CEP63: variants seen among roughly 807,000 people sequenced by gnomAD.
The protein encoded by CEP63 is centrosomal protein of 63 kDa.
Under a neutral mutation model 89.1 loss-of-function variants are expected in CEP63, and 84 were observed. That is an observed-to-expected ratio of 0.94 (90% CI 0.79 to 1.13). CEP63 has a LOEUF of 1.13. CEP63 is among the 50% of genes most tolerant of loss of function. The pLI is 0.00. For missense variants in CEP63, 838 were observed against 813.3 expected, an observed-to-expected ratio of 1.03 and a Z score of -0.37; for synonymous variants, 267 against 272.5, an observed-to-expected ratio of 0.98 and a Z score of 0.20.
intron 6 of CEP63, among the ~76,000 whole-genome samples, chr3:134,544,196 G>A (rs1159907838): frequency 1.3e-5 from 2 of 152,094 alleles, no homozygotes; most frequent in Admixed American, 6.5e-5. Flanking sequence ...TATTTCTAAA[G>A]TAAAATTGTG....
intron 5 of CEP63, among the ~76,000 whole-genome samples, chr3:134,534,104 C>T (rs979794037): frequency 2.0e-5 from 3 of 152,132 alleles, no homozygotes; most frequent in Admixed American, 6.5e-5. Context: ...AACATAACAA[C>T]CAAAATAGTC....
At chr3:134,766,939 G>A in the CEP63 span, among the ~76,000 whole-genome samples, 1 of 152,164 alleles carries the variant, frequency 6.6e-6, no homozygotes, top group Non-Finnish European at 1.5e-5. Flanking sequence ...GGTTCCTGTA[G>A]CTCCTCAGTG....
At chr3:134,612,657 GA>G in the CEP63 span, among the ~76,000 whole-genome samples, 2 of 152,156 alleles carry the variant, frequency 1.3e-5, no homozygotes, top group South Asian at 4.2e-4. Context: ...GAAATGTTGT[GA>G]AAAATATTTA....
chr3:134,607,008 T>C, the CEP63 span: 1 of 984,890 alleles, frequency 1.0e-6, no homozygotes, highest in Non-Finnish European at 1.2e-6. Flanking sequence ...GTATCAGATA[T>C]ATGGAATCAT....
chr3:134,763,961 A>T, the CEP63 span, among the ~76,000 whole-genome samples: 1 of 152,166 alleles, frequency 6.6e-6, no homozygotes, highest in African/African-American at 2.4e-5. Context: ...CCTCCCCTTT[A>T]TACTCCCTGG....
chr3:134,695,441 C>A, the CEP63 span, among the ~76,000 whole-genome samples: 1 of 152,162 alleles, frequency 6.6e-6, no homozygotes, highest in Admixed American at 6.5e-5. Flanking sequence ...TGGGGCCTGC[C>A]CATACATGGT....
chr3:134,589,034 A>G (rs1174254254), downstream of CEP63, among the ~76,000 whole-genome samples: 1 of 152,214 alleles, frequency 6.6e-6, no homozygotes, highest in East Asian at 1.9e-4. Context: ...GAAGAGTCAT[A>G]AATAATTTTA....
At chr3:134,715,609 A>G in the CEP63 span, among the ~76,000 whole-genome samples, 1 of 149,286 alleles carries the variant, frequency 6.7e-6, no homozygotes, top group Non-Finnish European at 1.5e-5. Flanking sequence ...GCACATTGTG[A>G]TATCAGTGCA....
the CEP63 span, among the ~76,000 whole-genome samples, chr3:134,742,905 C>A: frequency 3.3e-5 from 5 of 152,236 alleles, no homozygotes; most frequent in East Asian, 9.6e-4. Flanking sequence ...TTATAAATTA[C>A]CCAGTCTGTG....
chr3:134,601,915 C>T, the CEP63 span, among the ~76,000 whole-genome samples: 12 of 152,368 alleles, frequency 7.9e-5, no homozygotes, highest in Admixed American at 6.5e-4. Context: ...GCAGTTTCCT[C>T]ACCCTGTACT....
chr3:134,652,068 G>T, the CEP63 span, among the ~76,000 whole-genome samples: 12 of 152,042 alleles, frequency 7.9e-5, 1 homozygote, highest in South Asian at 8.3e-4. Flanking sequence ...ATCCTCCTTG[G>T]AGCAGCCTGT....
chr3:134,660,341 G>T, the CEP63 span, among the ~76,000 whole-genome samples: 1 of 152,204 alleles, frequency 6.6e-6, no homozygotes, highest in Non-Finnish European at 1.5e-5. Context: ...ATTAGAAACT[G>T]GTTCCTAATA....
chr3:134,715,365 G>A, the CEP63 span, among the ~76,000 whole-genome samples: 4 of 151,400 alleles, frequency 2.6e-5, no homozygotes, highest in South Asian at 2.1e-4. Flanking sequence ...GTCACCTAGC[G>A]ATGAATTGCA....
chr3:134,739,355 G>A, the CEP63 span, among the ~76,000 whole-genome samples: 1 of 152,152 alleles, frequency 6.6e-6, no homozygotes, highest in African/African-American at 2.4e-5. Flanking sequence ...AATTAGTTCA[G>A]TCACTTTGAC....
the CEP63 span, among the ~76,000 whole-genome samples, chr3:134,659,585 A>AT: frequency 6.6e-6 from 1 of 152,090 alleles, no homozygotes; most frequent in Non-Finnish European, 1.5e-5. Flanking sequence ...GTGAAAAGGC[A>AT]TTTTTCCAGG....
At chr3:134,526,562 G>A (rs1948683138) in intron 3 of CEP63, among the ~76,000 whole-genome samples, 1 of 152,152 alleles carries the variant, frequency 6.6e-6, no homozygotes, top group Non-Finnish European at 1.5e-5. Flanking sequence ...GTAGCTCAGT[G>A]TTCTTTGTTC....
Position 134,564,105 on chromosome 3 carries a change from T to G in CEP63, c.*2570T>G. ...ATCTGAAATCATTTCATTACTTGATTTATGTTTGTACTGTCTATTTCTGTC... is the reference window on the plus strand; with the variant it reads ...ATCTGAAATCATTTCATTACTTGATGTATGTTTGTACTGTCTATTTCTGTC... On this transcript the variant is annotated 3_prime_UTR_variant, in exon 15 of 15. Transcript: ENST00000675561. 5.2e-6 allele frequency: 1 copy of G among 192,058 alleles called. No homozygotes were observed. The highest frequency in any genetic ancestry group is 9.6e-6 in the Non-Finnish European group (1 of 104,648). The allele number at this position is 192,058 out of a possible 1,614,324, so 11.9% of individuals were successfully genotyped here.
the CEP63 span, among the ~76,000 whole-genome samples, chr3:134,613,787 A>G: frequency 6.6e-6 from 1 of 152,258 alleles, no homozygotes; most frequent in African/African-American, 2.4e-5. Context: ...TATTGTTAAT[A>G]TGCCATAATT....
At chr3:134,739,673 C>T in the CEP63 span, among the ~76,000 whole-genome samples, 2 of 149,140 alleles carry the variant, frequency 1.3e-5, no homozygotes, top group African/African-American at 4.9e-5. Flanking sequence ...ACCATGTACA[C>T]GAACTTTAAA....
Sources: gnomAD v4.1 joint callset for allele counts (sites outside exome capture counted in the v4.1 genomes callset) on GRCh38, gnomAD v4.1.1 for gene constraint, MANE v1.5 for transcripts, NCBI Gene and HGNC (gene_info 2026-07-23, HGNC 2026-07-21) for gene names.